The following MAP2K4 variants were observed in gnomAD, a reference collection of about 807,000 sequenced individuals.
MAP2K4 encodes mitogen-activated protein kinase kinase 4.
A neutral mutation model predicts 48.5 loss-of-function variants in MAP2K4; 4 were observed. The observed-to-expected ratio is 0.08, with a 90% CI of 0.04 to 0.19. The LOEUF (loss-of-function observed/expected upper bound fraction) is 0.19, where lower values mean the gene tolerates loss of function less well. MAP2K4 is among the 10% of genes least tolerant of loss of function. The pLI is 1.00. For missense variants in MAP2K4, 258 were observed against 493.3 expected (o/e 0.52, Z 4.52); for synonymous variants, 166 against 173.1 (o/e 0.96, Z 0.32).
rs1336514202 is a variant in MAP2K4 at position 12,143,359 on chromosome 17, TTATAAAC to T, written c.*2108_*2114del. 10 of 232,742 alleles carry T rather than the reference TTATAAAC, an allele frequency of 4.3e-5. No homozygotes were observed. The highest frequency in any genetic ancestry group is 1.8e-4 in the South Asian group (1 of 5,530). 14.4% of individuals were successfully genotyped at this position (232,742 alleles called of 1,614,324 possible). On this transcript the variant is annotated 3_prime_UTR_variant, in exon 11 of 11. Coordinates refer to ENST00000353533, the MANE Select transcript of MAP2K4 (RefSeq NM_003010.4). The stretch of plus-strand genomic sequence containing the variant: ...ATTTTAGTGTATTAATCATAGATTA[TTATAAAC>T]TATAAACTTAAGGGCAAGGAGTTTA...
At chr17:12,080,406 TGA>T (rs1427020591) in intron 2 of MAP2K4, among the ~76,000 whole-genome samples, 1 of 152,174 alleles carries the variant, frequency 6.6e-6, no homozygotes, top group Non-Finnish European at 1.5e-5. Flanking sequence ...GGTGTGTGTG[TGA>T]GAGAGAGCAA....
chr17:12,071,047 C>A (rs187148480), intron 2 of MAP2K4, among the ~76,000 whole-genome samples: 1 of 152,290 alleles, frequency 6.6e-6, no homozygotes, highest in Non-Finnish European at 1.5e-5. Flanking sequence ...GCAGCATAAC[C>A]GTAATCTCTA....
chr17:12,110,539 TTTTTAGCAAAAAATGC>T, intron 6 of MAP2K4, 113 bp downstream of exon 6: 1 of 759,408 alleles, frequency 1.3e-6, no homozygotes, highest in Non-Finnish European at 2.2e-6. Flanking sequence ...AATATTTGTA[TTTTTAGCAAAAAATGC>T]TTTATGTACT....
At chr17:12,088,575 A>ATAATATATAATATATATTAAAT (rs1567653791) in intron 3 of MAP2K4, among the ~76,000 whole-genome samples, 3 of 138,072 alleles carry the variant, frequency 2.2e-5, no homozygotes, top group Admixed American at 7.8e-5. Flanking sequence ...TTAAATATAT[A>ATAATATATAATATATATTAAAT]ATATATAATA....
chr17:12,101,428 TGA>T (rs1971931851), intron 4 of MAP2K4, among the ~76,000 whole-genome samples: 1 of 152,126 alleles, frequency 6.6e-6, no homozygotes, highest in African/African-American at 2.4e-5. Context: ...TCTTCAGATT[TGA>T]GAGTGTTGGT....
At chr17:12,027,484 T>TACACAC (rs149452854) in intron 1 of MAP2K4, among the ~76,000 whole-genome samples, 1 of 150,866 alleles carries the variant, frequency 6.6e-6, no homozygotes, top group African/African-American at 2.4e-5. Context: ...TATCTGAACA[T>TACACAC]ACACACACAC....
At position 12,056,012 on chromosome 17, in the gene MAP2K4, G is replaced by T. The variant is rs145864711; in HGVS notation, c.218+1021G>T. 2.9e-3 allele frequency among the ~76,000 whole-genome samples: 444 copies of T among 152,026 alleles called. 1 individual carries two copies. The highest frequency in any genetic ancestry group is 0.01 in the African/African-American group (423 of 41,522). On this transcript the variant is annotated intron_variant, in intron 2 of 10. Coordinates refer to ENST00000353533, the MANE Select transcript of MAP2K4 (RefSeq NM_003010.4). ...TTACCTTCTCTGAAACATCAAGTAG[G>T]GGCTATCTTGAGGAAGGAAACTTAG...
intron 7 of MAP2K4, among the ~76,000 whole-genome samples, chr17:12,117,256 C>G (rs973621092): frequency 7.2e-5 from 11 of 152,104 alleles, no homozygotes; most frequent in Non-Finnish European, 1.6e-4. Context: ...CTTTGAGCAT[C>G]CCCATTCCAA....
intron 1 of MAP2K4, among the ~76,000 whole-genome samples, chr17:12,051,865 C>T (rs1970149127): frequency 1.3e-5 from 2 of 151,846 alleles, no homozygotes; most frequent in African/African-American, 2.4e-5. Context: ...AAGGACCCAG[C>T]CCCAGTAGAG....
intron 2 of MAP2K4, 116 bp downstream of exon 2, chr17:12,055,107 G>A: frequency 1.7e-6 from 1 of 595,030 alleles, no homozygotes; most frequent in Non-Finnish European, 2.9e-6. Context: ...AAACTCTCTG[G>A]GAATATTGTT....
chr17:12,138,880 G>GA (rs1185069996), intron 9 of MAP2K4, among the ~76,000 whole-genome samples: 1 of 152,118 alleles, frequency 6.6e-6, no homozygotes, highest in Non-Finnish European at 1.5e-5. Context: ...CACTTTTGTG[G>GA]ATCAGTCATT....
At chr17:12,129,330 A>G (rs369030814) in intron 9 of MAP2K4, 43 bp downstream of exon 9, 23 of 1,613,016 alleles carry the variant, frequency 1.4e-5, no homozygotes, top group East Asian at 2.2e-5. Context: ...CATGGCGAGA[A>G]TAGTGAGATT....
At chr17:12,043,679 T>A (rs545270797) in intron 1 of MAP2K4, among the ~76,000 whole-genome samples, 2 of 152,248 alleles carry the variant, frequency 1.3e-5, no homozygotes, top group African/African-American at 2.4e-5. Context: ...AACAGCCAAA[T>A]GGAAGAGATA....
At chr17:12,116,503 T>G (rs1972498218) in intron 7 of MAP2K4, among the ~76,000 whole-genome samples, 1 of 152,224 alleles carries the variant, frequency 6.6e-6, no homozygotes, top group South Asian at 2.1e-4. Context: ...AAAAAAATTT[T>G]TTTTACTTTT....
At chr17:12,107,288 G>A (rs937496916) in intron 4 of MAP2K4, among the ~76,000 whole-genome samples, 15 of 151,898 alleles carry the variant, frequency 9.9e-5, no homozygotes, top group African/African-American at 3.4e-4. Context: ...GATGACTTGC[G>A]CTTTGCATCA....
chr17:12,058,126 A>C (rs1393478623), intron 2 of MAP2K4, among the ~76,000 whole-genome samples: 2 of 152,098 alleles, frequency 1.3e-5, no homozygotes, highest in African/African-American at 4.8e-5. Flanking sequence ...TCACCTTAGG[A>C]AGCCTGGTTC....
In MAP2K4 at chr17:12,116,265, T is replaced by C. The variant is rs147534930; in HGVS notation, c.813+2905T>C. On this transcript the variant is annotated intron_variant, in intron 7 of 10. Coordinates refer to ENST00000353533, the MANE Select transcript of MAP2K4 (RefSeq NM_003010.4). ...AAAATATGGTATAAAAAATAAAGAA[T>C]GGTTCACTGGTATAAGGCACTAATC... is the stretch of plus-strand genomic sequence containing the variant. 2.3e-3 allele frequency among the ~76,000 whole-genome samples: 347 copies of C among 151,538 alleles called. 1 individual carries two copies. The highest frequency in any genetic ancestry group is 7.9e-3 in the African/African-American group (328 of 41,514).
At chr17:12,101,019 A>G (rs1484968501) in intron 4 of MAP2K4, among the ~76,000 whole-genome samples, 2 of 152,062 alleles carry the variant, frequency 1.3e-5, no homozygotes, top group Non-Finnish European at 2.9e-5. Context: ...ATCTTTATAT[A>G]TATCTATTCT....
At chr17:12,034,155 A>T (rs1272228405) in intron 1 of MAP2K4, among the ~76,000 whole-genome samples, 1 of 152,246 alleles carries the variant, frequency 6.6e-6, no homozygotes, top group Non-Finnish European at 1.5e-5. Context: ...TCTATTGTAG[A>T]TATAAAACAA....
Sources: gnomAD v4.1 joint callset for allele counts (sites outside exome capture counted in the v4.1 genomes callset) on GRCh38, gnomAD v4.1.1 for gene constraint, MANE v1.5 for transcripts, NCBI Gene and HGNC (gene_info 2026-07-23, HGNC 2026-07-21) for gene names.